Variants in ADGRB3 observed in about 807,000 individuals in gnomAD.
ADGRB3 encodes the protein brain-specific angiogenesis inhibitor 3.
In ADGRB3, 37 loss-of-function variants were observed where a neutral mutation model predicts 193.4. The ratio of observed to expected loss-of-function variants is 0.19; its 90% CI spans 0.15 to 0.25. The LOEUF (loss-of-function observed/expected upper bound fraction) is 0.25, where lower values mean the gene tolerates loss of function less well. Ranked by LOEUF, ADGRB3 falls within the 10% of genes least tolerant of loss-of-function variation. The pLI is 1.00. For synonymous variants in ADGRB3, 690 were observed against 644.2 expected (o/e 1.07, Z -1.08); for missense variants, 1,637 against 1,852.9 (o/e 0.88, Z 2.14).
intron 3 of ADGRB3, among the ~76,000 whole-genome samples, chr6:68,803,097 GAC>G (rs2127371939): frequency 6.6e-6 from 1 of 151,702 alleles, no homozygotes. Flanking sequence ...CTGTATATAT[GAC>G]ACATTTTCTC....
intron 20 of ADGRB3, among the ~76,000 whole-genome samples, chr6:69,245,018 A>G (rs1236611478): frequency 6.6e-6 from 1 of 152,028 alleles, no homozygotes; most frequent in South Asian, 2.1e-4. Context: ...TCTCCACCCC[A>G]GTCTTTTGCA....
At chr6:68,992,174 C>G (rs1257848056) in intron 10 of ADGRB3, among the ~76,000 whole-genome samples, 1 of 152,094 alleles carries the variant, frequency 6.6e-6, no homozygotes, top group East Asian at 1.9e-4. Context: ...TTGATTAACT[C>G]TGTTTAGTTA....
intron 20 of ADGRB3, among the ~76,000 whole-genome samples, chr6:69,314,176 G>C (rs1768260280): frequency 6.6e-6 from 1 of 151,598 alleles, no homozygotes; most frequent in Non-Finnish European, 1.5e-5. Flanking sequence ...TTCCTGTTAT[G>C]TGTGACAAAC....
rs1769258052 is a variant in ADGRB3 at position 68,992,215 on chromosome 6, T to C, written c.1735-1553T>C. Among the ~76,000 whole-genome samples the C allele has an allele frequency of 3.3e-5, 5 of 152,194 alleles. No individual in the cohort carries two copies. In the South Asian group the frequency reaches 1.0e-3, roughly 32 times the overall value. On this transcript the variant is annotated intron_variant, in intron 10 of 31. Coordinates refer to ENST00000370598, the MANE Select transcript of ADGRB3 (RefSeq NM_001704.3). ...AAGAACAAGAACTAAATATGAGTGG[T>C]TTTTAAAGAAGAGACCATGGAAGAA...
chr6:69,300,003 TAGAG>T (rs530125666), intron 20 of ADGRB3, among the ~76,000 whole-genome samples: 87 of 151,776 alleles, frequency 5.7e-4, no homozygotes, highest in Admixed American at 1.5e-3. Context: ...ATACCAAAAG[TAGAG>T]AAAGACTACA....
intron 3 of ADGRB3, among the ~76,000 whole-genome samples, chr6:68,738,885 G>T (rs1278888603): frequency 2.0e-5 from 3 of 152,250 alleles, no homozygotes; most frequent in African/African-American, 7.2e-5. Context: ...CCAAGAAAGT[G>T]ATTGTAAATA....
intron 3 of ADGRB3, among the ~76,000 whole-genome samples, chr6:68,698,143 A>G (rs1419764220): frequency 6.6e-6 from 1 of 152,002 alleles, no homozygotes; most frequent in Non-Finnish European, 1.5e-5. Flanking sequence ...TATAAATATT[A>G]CCACTTATTT....
chr6:68,860,515 C>CT (rs531356913), intron 3 of ADGRB3, among the ~76,000 whole-genome samples: 39 of 152,282 alleles, frequency 2.6e-4, no homozygotes, highest in African/African-American at 8.9e-4. Flanking sequence ...AATTATTTCA[C>CT]TTAGGATAAT....
chr6:68,675,273 C>A (rs2127295644), intron 3 of ADGRB3, among the ~76,000 whole-genome samples: 1 of 152,148 alleles, frequency 6.6e-6, no homozygotes, highest in Non-Finnish European at 1.5e-5. Context: ...GAAGAGAAAA[C>A]AAAGGAAATA....
chr6:69,033,402 A>G (rs972515441), intron 13 of ADGRB3, among the ~76,000 whole-genome samples: 5 of 152,146 alleles, frequency 3.3e-5, no homozygotes, highest in African/African-American at 4.8e-5. Flanking sequence ...AATTTCGCCA[A>G]TTATCTCTAT....
chr6:69,043,332 G>GAC (rs376899800), intron 13 of ADGRB3, among the ~76,000 whole-genome samples: 1 of 133,754 alleles, frequency 7.5e-6, no homozygotes, highest in Non-Finnish European at 1.6e-5. Flanking sequence ...AAGAAAGAAA[G>GAC]AGAAAGAAAA....
chr6:69,229,024 C>T (rs1366621404), intron 17 of ADGRB3, among the ~76,000 whole-genome samples: 3 of 152,064 alleles, frequency 2.0e-5, no homozygotes, highest in East Asian at 1.9e-4. Context: ...TTTCAATGCT[C>T]TTCAGGTAAT....
chr6:69,190,881 T>A (rs572648308), intron 17 of ADGRB3, among the ~76,000 whole-genome samples: 1 of 152,326 alleles, frequency 6.6e-6, no homozygotes, highest in African/African-American at 2.4e-5. Context: ...TACAGTAACA[T>A]GTTGCACAAG....
intron 20 of ADGRB3, among the ~76,000 whole-genome samples, chr6:69,254,256 C>A (rs927262976): frequency 6.6e-6 from 1 of 152,122 alleles, no homozygotes; most frequent in Non-Finnish European, 1.5e-5. Flanking sequence ...TGCTCAGCAT[C>A]AAAATATCTG....
intron 3 of ADGRB3, among the ~76,000 whole-genome samples, chr6:68,669,188 C>T (rs1768878674): frequency 6.6e-6 from 1 of 151,828 alleles, no homozygotes; most frequent in South Asian, 2.1e-4. Flanking sequence ...AATGAGGCAT[C>T]CATCCCCTCA....
At position 69,253,585 on chromosome 6, in the gene ADGRB3, A is replaced by C. The variant is rs192504406; in HGVS notation, c.2814+14359A>C. On this transcript the variant is annotated intron_variant, in intron 20 of 31. Transcript: ENST00000370598. ...GACTCTTATATAATGCTCATTATTAAACTAGAGAAGAGTTGAAGAGAAATT... is the reference window on the plus strand; with the variant it reads ...GACTCTTATATAATGCTCATTATTACACTAGAGAAGAGTTGAAGAGAAATT... 2.2e-3 allele frequency among the ~76,000 whole-genome samples: 331 copies of C among 152,216 alleles called. 4 individuals carry two copies. The highest frequency in any genetic ancestry group is 1.5e-3 in the Non-Finnish European group (102 of 67,978).
rs555777145 is a variant in ADGRB3, at chr6:68,852,973, A to G, written c.758-77586A>G. 3.9e-5 allele frequency among the ~76,000 whole-genome samples: 6 copies of G among 152,186 alleles called. No individual in the cohort carries two copies. The South Asian group carries it at 8.3e-4, about 21-fold the overall frequency. Reference sequence around the variant, plus strand: ...ACCTTTGTGACTAGAATACTAAATGATGAGCCATATATACTGCTCAGCAGC... The same window carrying G: ...ACCTTTGTGACTAGAATACTAAATGGTGAGCCATATATACTGCTCAGCAGC... On this transcript the variant is annotated intron_variant, in intron 3 of 31. Coordinates refer to ENST00000370598, the MANE Select transcript of ADGRB3 (RefSeq NM_001704.3).
chr6:69,180,991 G>C (rs1237237259), intron 17 of ADGRB3, among the ~76,000 whole-genome samples: 1 of 152,070 alleles, frequency 6.6e-6, no homozygotes, highest in Non-Finnish European at 1.5e-5. Flanking sequence ...GTCAACTCCA[G>C]AGCTTGGGAG....
Position 69,375,902 on chromosome 6 carries a change from C to T in ADGRB3, c.4275+3461C>T, listed in dbSNP as rs143245675. 9.7e-4 allele frequency among the ~76,000 whole-genome samples: 147 copies of T among 151,846 alleles called. 2 individuals carry two copies. In the East Asian group the frequency reaches 0.027, roughly 28 times the overall value. On this transcript the variant is annotated intron_variant, in intron 30 of 31. Transcript: ENST00000370598. Reference sequence around the variant, plus strand: ...AGATTGCAGTGAACCAAGATCGTGCCGCTGCCCTCCAGTCTGGACAACAAA... The same window carrying T: ...AGATTGCAGTGAACCAAGATCGTGCTGCTGCCCTCCAGTCTGGACAACAAA...
Sources: gnomAD v4.1 joint callset for allele counts (sites outside exome capture counted in the v4.1 genomes callset) on GRCh38, gnomAD v4.1.1 for gene constraint, MANE v1.5 for transcripts, NCBI Gene and HGNC (gene_info 2026-07-23, HGNC 2026-07-21) for gene names.